NALCN: variants seen among roughly 807,000 people sequenced by gnomAD.
The protein encoded by NALCN is sodium leak channel, non-selective, also known as sodium leak channel NALCN.
Under a neutral mutation model 225.3 loss-of-function variants are expected in NALCN, and 111 were observed. That is an observed-to-expected ratio of 0.49 (90% CI 0.42 to 0.58). NALCN has a LOEUF of 0.58. Ranked by LOEUF, NALCN falls within the 20% of genes least tolerant of loss-of-function variation. NALCN has a pLI of 0.00. For missense variants in NALCN, 1,378 were observed against 2,202.4 expected, an observed-to-expected ratio of 0.63 and a Z score of 7.49; for synonymous variants, 764 against 769.0, an observed-to-expected ratio of 0.99 and a Z score of 0.11.
chr13:101,237,886 G>A lies in NALCN; in HGVS notation c.1303C>T (p.Leu435=). The change falls in exon 12 of 44, where the codon CTG becomes TTG. Residue 435 remains leucine (L), a synonymous_variant. Transcript: ENST00000251127. ...FTVLFDLEAL[L]KIWCLGFTGY... is the part of the protein sequence containing the mutation. ...GTAAATCCCAAACACCATATCTTCA[G>A]AAGTGCTTCCAAATCAAAAAGTACT... The A allele has an allele frequency of 1.9e-6, 3 of 1,606,606 alleles. No individual in the cohort carries two copies. Among genetic ancestry groups the A allele is most frequent in the Non-Finnish European group, 2.5e-6 (3 of 1,176,928 alleles).
At chr13:101,301,195 AG>A (rs1417111460) in intron 7 of NALCN, among the ~76,000 whole-genome samples, 3 of 152,230 alleles carry the variant, frequency 2.0e-5, no homozygotes, top group African/African-American at 2.4e-5. Context: ...TGACATTGGC[AG>A]GAAAGTGTAG....
intron 13 of NALCN, among the ~76,000 whole-genome samples, chr13:101,214,271 A>C (rs1594451603): frequency 1.3e-5 from 2 of 150,742 alleles, no homozygotes; most frequent in South Asian, 4.3e-4. Context: ...CAGGGTGGGG[A>C]ATATCACACT....
rs751927717 is a variant in NALCN at position 101,143,148 on chromosome 13, T to A, written c.2050A>T (p.Thr684Ser). The A allele has an allele frequency of 1.3e-5, 21 of 1,613,900 alleles. No homozygotes were observed. In the East Asian group the frequency reaches 4.5e-4, roughly 34 times the overall value. The change falls in exon 17 of 44, where the codon ACC (threonine) becomes TCC (serine). Residue 684 changes from threonine to serine, a missense_variant. By Grantham distance (58) the Thr-to-Ser change is moderately conservative. This residue lies in a region of NALCN where 100 missense variants were observed against 89.4 expected (regional missense o/e 1.12). Transcript: ENST00000251127. ...GAGTGGTCGCAGGAGGAGGAAGAGG[T>A]GGTCGGGAGGCTTCTCAGGAGGCAA... Reference protein sequence around the residue: ...TCCLLRSLPTTSSSSCDHSKR... With the variant: ...TCCLLRSLPTSSSSSCDHSKR...
At position 101,068,919 on chromosome 13, in the gene NALCN, C is replaced by A. The variant is rs376591012; in HGVS notation, c.4198-92G>T. On this transcript the variant is annotated intron_variant, in intron 37 of 43. Coordinates refer to ENST00000251127, the MANE Select transcript of NALCN (RefSeq NM_052867.4). The stretch of plus-strand genomic sequence containing the variant: ...TATAGTTAATGAATAGATTCCTAAA[C>A]ATATAGCATATAATTAACTTCAAAG... 6.0e-5 allele frequency: 78 copies of A among 1,306,850 alleles called. No individual in the cohort carries two copies. The East Asian group carries it at 1.0e-3, about 17-fold the overall frequency. 81.0% of individuals were successfully genotyped at this position (1,306,850 alleles called of 1,614,324 possible).
At chr13:101,124,529 T>C (rs2036137135) in intron 18 of NALCN, 79 bp downstream of exon 18, 1 of 1,244,942 alleles carries the variant, frequency 8.0e-7, no homozygotes, top group South Asian at 1.3e-5. Context: ...AGAACATTAA[T>C]TCATTTTTCA....
intron 11 of NALCN, among the ~76,000 whole-genome samples, chr13:101,254,476 T>C (rs1594534467): frequency 6.6e-6 from 1 of 151,658 alleles, no homozygotes; most frequent in South Asian, 2.1e-4. Flanking sequence ...AGTACACTGA[T>C]GGGGTCTATC....
intron 42 of NALCN, chr13:101,058,436 GT>G: frequency 2.5e-5 from 4 of 162,532 alleles, no homozygotes; most frequent in Non-Finnish European, 5.3e-5. Flanking sequence ...GCAGTCTACT[GT>G]CACCAGCCTG....
chr13:101,096,502 A>G (rs1015773205), intron 27 of NALCN, among the ~76,000 whole-genome samples: 2 of 152,214 alleles, frequency 1.3e-5, no homozygotes, highest in Non-Finnish European at 2.9e-5. Flanking sequence ...ATTCATATAG[A>G]AGTCCAGAAC....
intron 37 of NALCN, 89 bp from the exon 38 acceptor site, chr13:101,068,916 A>G: frequency 2.9e-6 from 4 of 1,363,304 alleles, no homozygotes; most frequent in Non-Finnish European, 3.9e-6. Context: ...ATAGATTCCT[A>G]AACATATAGC....
intron 6 of NALCN, among the ~76,000 whole-genome samples, chr13:101,348,327 G>A (rs2045805235): frequency 6.6e-6 from 1 of 152,044 alleles, no homozygotes; most frequent in Admixed American, 6.6e-5. Flanking sequence ...TAAGCCTGGG[G>A]TGAGACGTAA....
intron 7 of NALCN, among the ~76,000 whole-genome samples, chr13:101,298,179 A>G (rs533997981): frequency 6.6e-6 from 1 of 152,338 alleles, no homozygotes; most frequent in African/African-American, 2.4e-5. Context: ...TTCAATCCTG[A>G]ATGGTGGTCA....
intron 39 of NALCN, among the ~76,000 whole-genome samples, chr13:101,066,729 C>T (rs1201317062): frequency 2.0e-5 from 3 of 152,080 alleles, no homozygotes; most frequent in South Asian, 2.1e-4. Context: ...GAAGCCTGGG[C>T]GGGCAGGGGT....
intron 3 of NALCN, among the ~76,000 whole-genome samples, chr13:101,385,044 A>G (rs1277312883): frequency 6.6e-6 from 1 of 152,140 alleles, no homozygotes; most frequent in African/African-American, 2.4e-5. Context: ...AAAATCCTCC[A>G]TGCATCTTTA....
intron 17 of NALCN, among the ~76,000 whole-genome samples, chr13:101,139,632 C>T (rs1363757184): frequency 1.3e-5 from 2 of 151,608 alleles, no homozygotes; most frequent in Non-Finnish European, 2.9e-5. Flanking sequence ...GAGTGAAGAA[C>T]CCTGCCTGTC....
intron 13 of NALCN, among the ~76,000 whole-genome samples, chr13:101,218,018 A>T (rs16958659): frequency 0.01 from 1,576 of 151,922 alleles, 30 homozygotes; most frequent in African/African-American, 0.037. Flanking sequence ...CACAACATCT[A>T]CTCCTTCCCA....
At chr13:101,170,942 T>C (rs185826468) in intron 15 of NALCN, among the ~76,000 whole-genome samples, 219 of 152,246 alleles carry the variant, frequency 1.4e-3, no homozygotes, top group African/African-American at 5.0e-3. Flanking sequence ...TTTGCAAAAA[T>C]CATTAAAGCT....
intron 1 of NALCN, among the ~76,000 whole-genome samples, chr13:101,411,213 TTTCC>T (rs2047773754): frequency 1.3e-5 from 2 of 152,046 alleles, no homozygotes; most frequent in African/African-American, 4.8e-5. Context: ...CTTTCTTTTT[TTTCC>T]TTTTTTTTTG....
chr13:101,132,182 A>C (rs900722418), intron 17 of NALCN, among the ~76,000 whole-genome samples: 4 of 151,958 alleles, frequency 2.6e-5, no homozygotes, highest in African/African-American at 9.7e-5. Context: ...GCTACTTCCC[A>C]CAAGTTTGAT....
intron 13 of NALCN, among the ~76,000 whole-genome samples, chr13:101,197,548 A>G (rs1316292652): frequency 1.3e-5 from 2 of 152,170 alleles, no homozygotes; most frequent in Non-Finnish European, 2.9e-5. Context: ...TACAAGTGCT[A>G]TTTTGTTTGC....
Sources: gnomAD v4.1 joint callset for allele counts (sites outside exome capture counted in the v4.1 genomes callset) on GRCh38, gnomAD v4.1.1 for gene constraint, gnomAD v4.1.1 regional missense constraint, MANE v1.5 for transcripts, NCBI Gene and HGNC (gene_info 2026-07-23, HGNC 2026-07-21) for gene names.